Variants in PIEZO2 observed in about 807,000 individuals in gnomAD.
PIEZO2 encodes piezo-type mechanosensitive ion channel component 2.
A neutral mutation model predicts 337.3 loss-of-function variants in PIEZO2; 172 were observed. The ratio of observed to expected loss-of-function variants is 0.51; its 90% CI spans 0.45 to 0.58. The LOEUF (loss-of-function observed/expected upper bound fraction) is 0.58, where lower values mean the gene tolerates loss of function less well. PIEZO2 is among the 20% of genes least tolerant of loss of function. The pLI, the probability that PIEZO2 is intolerant of heterozygous loss-of-function variation, is 0.00. For missense variants in PIEZO2, 3,028 were observed against 3,391.3 expected, an observed-to-expected ratio of 0.89 and a Z score of 2.66; for synonymous variants, 1,251 against 1,228.5, an observed-to-expected ratio of 1.02 and a Z score of -0.38.
At chr18:10,696,739 A>G (rs2035107501) in intron 45 of PIEZO2, among the ~76,000 whole-genome samples, 200 bp from the exon 46 acceptor site, 1 of 152,186 alleles carries the variant, frequency 6.6e-6, no homozygotes, top group Admixed American at 6.5e-5. Context: ...TACTGCCAAG[A>G]TAGGTACTGC....
chr18:11,090,912 T>TAAA (rs61020782), intron 1 of PIEZO2, among the ~76,000 whole-genome samples: 1 of 123,690 alleles, frequency 8.1e-6, no homozygotes, highest in African/African-American at 3.0e-5. Flanking sequence ...AGACTCCGTC[T>TAAA]AAAAAAAAAA....
chr18:10,827,832 C>T (rs995353828), intron 7 of PIEZO2, among the ~76,000 whole-genome samples: 2 of 152,182 alleles, frequency 1.3e-5, no homozygotes, highest in Non-Finnish European at 2.9e-5. Flanking sequence ...AGAGAACTAG[C>T]TCATGTTAAG....
intron 2 of PIEZO2, among the ~76,000 whole-genome samples, chr18:11,026,437 G>T (rs964407553): frequency 1.3e-5 from 2 of 152,012 alleles, no homozygotes; most frequent in African/African-American, 4.8e-5. Flanking sequence ...CCCCGTTCCC[G>T]GAGTGGCTCC....
chr18:10,811,856 C>T lies in PIEZO2; in HGVS notation c.918-4582G>A, dbSNP rs534415510. 2.3e-4 allele frequency among the ~76,000 whole-genome samples: 35 copies of T among 152,206 alleles called. 1 individual carries two copies. In the South Asian group the frequency reaches 6.6e-3, roughly 29 times the overall value. On this transcript the variant is annotated intron_variant, in intron 7 of 55. Transcript: ENST00000674853. ...TTTTTTCTTTTTTGTTTTTTTGAGA[C>T]GGAGTCTCGCTCTGTCGCCCAGGCT... is the stretch of plus-strand genomic sequence containing the variant.
chr18:10,698,910 T>G lies in PIEZO2; in HGVS notation c.6694+15A>C, dbSNP rs1183121866. 6.5e-7 allele frequency: 1 copy of G among 1,535,804 alleles called. No individual in the cohort carries two copies. The highest frequency in any genetic ancestry group is 1.4e-5 in the African/African-American group (1 of 73,010). On this transcript the variant is annotated intron_variant, in intron 44 of 55. Transcript: ENST00000674853. ...GGAGCTAACTACAGCCTAGATATAT[T>G]GTGTCGACAGATACCTCTTTGGGAT...
chr18:10,904,691 T>A (rs561325847), intron 4 of PIEZO2, among the ~76,000 whole-genome samples: 6 of 152,220 alleles, frequency 3.9e-5, no homozygotes, highest in Non-Finnish European at 8.8e-5. Context: ...TTAGCCTGGA[T>A]CCCAGGATGG....
At chr18:10,924,912 A>G (rs1226712365) in intron 3 of PIEZO2, among the ~76,000 whole-genome samples, 2 of 152,238 alleles carry the variant, frequency 1.3e-5, no homozygotes, top group African/African-American at 4.8e-5. Flanking sequence ...TTAAATAAAG[A>G]AATGCCATAG....
Position 11,096,461 on chromosome 18 carries a change from G to T in PIEZO2, c.65-30239C>A, listed in dbSNP as rs1018941514. Among the ~76,000 whole-genome samples the T allele has an allele frequency of 6.6e-6, 1 of 152,250 alleles. No individual in the cohort carries two copies. Among genetic ancestry groups the T allele is most frequent in the Admixed American group, 6.5e-5 (1 of 15,296 alleles). On this transcript the variant is annotated intron_variant, in intron 1 of 55. Coordinates refer to ENST00000674853, the MANE Select transcript of PIEZO2 (RefSeq NM_001378183.1). This position sits in a 1 kb window ranked among gnomAD's most constrained non-coding sequence, Gnocchi z 4.6. ...CTGGTTCTGCCTCCTAAGAGCTCTCGGACAAATGCCTCCCTGTTTCTGGGT... is the reference window on the plus strand; with the variant it reads ...CTGGTTCTGCCTCCTAAGAGCTCTCTGACAAATGCCTCCCTGTTTCTGGGT...
chr18:10,880,846 CAT>C (rs56271617), intron 4 of PIEZO2, among the ~76,000 whole-genome samples: 534 of 67,264 alleles, frequency 7.9e-3, no homozygotes, highest in Non-Finnish European at 9.0e-3. Context: ...TCCCACATAT[CAT>C]ATATATATAT....
At chr18:10,710,870 C>G (rs1394242762) in intron 39 of PIEZO2, among the ~76,000 whole-genome samples, 3 of 152,226 alleles carry the variant, frequency 2.0e-5, no homozygotes, top group Non-Finnish European at 4.4e-5. Flanking sequence ...ATTAGAAATA[C>G]AGCTCACTGC....
chr18:11,075,786 CTTTTTT>C (rs147029235), intron 1 of PIEZO2, among the ~76,000 whole-genome samples: 4 of 125,236 alleles, frequency 3.2e-5, no homozygotes, highest in Admixed American at 8.0e-5. Context: ...AGATATATTT[CTTTTTT>C]TTTTTTTTTT....
rs1169506658 is a variant in PIEZO2 at position 11,127,815 on chromosome 18, G to GTGTT, written c.64+20709_64+20710insAACA. 2.0e-5 allele frequency among the ~76,000 whole-genome samples: 3 copies of GTGTT among 151,192 alleles called. No homozygotes were observed. The highest frequency in any genetic ancestry group is 4.4e-5 in the Non-Finnish European group (3 of 67,866). On this transcript the variant is annotated intron_variant, in intron 1 of 55. Coordinates refer to ENST00000674853, the MANE Select transcript of PIEZO2 (RefSeq NM_001378183.1). This position sits in a 1 kb window ranked among gnomAD's most constrained non-coding sequence, Gnocchi z 4.5. ...TGTGTGTGTGTGCATGTGTGTGTGT[G>GTGTT]TGTGTGTGTGTATCCTATTAGTTCT... is the stretch of plus-strand genomic sequence containing the variant.
intron 1 of PIEZO2, among the ~76,000 whole-genome samples, chr18:11,138,771 A>T (rs1050156001): frequency 2.6e-5 from 4 of 152,188 alleles, no homozygotes; most frequent in Non-Finnish European, 5.9e-5. Context: ...GTGGCGGGTG[A>T]GCACAGAAGG....
chr18:10,806,600 G>C (rs1242485191), intron 8 of PIEZO2, among the ~76,000 whole-genome samples: 1 of 151,994 alleles, frequency 6.6e-6, no homozygotes, highest in Non-Finnish European at 1.5e-5. Flanking sequence ...GGCTAAGAGC[G>C]CTGGAGGAGA....
chr18:11,082,308 TA>T (rs2038770781), intron 1 of PIEZO2, among the ~76,000 whole-genome samples: 1 of 146,754 alleles, frequency 6.8e-6, no homozygotes, highest in Middle Eastern at 3.5e-3. Context: ...CATAGATACA[TA>T]TTTTTTTCTT....
chr18:10,673,478 A>G lies in PIEZO2; in HGVS notation c.8162-605T>C, dbSNP rs2033865921. 6.6e-6 allele frequency among the ~76,000 whole-genome samples: 1 copy of G among 152,112 alleles called. No homozygotes were observed. Among genetic ancestry groups the G allele is most frequent in the African/African-American group, 2.4e-5 (1 of 41,412 alleles). ...CACAGAGGAGATAACTTCTGAGCTG[A>G]GATTCGCCAAGTGAGAACTTCAATA... On this transcript the variant is annotated intron_variant, in intron 54 of 55. Coordinates refer to ENST00000674853, the MANE Select transcript of PIEZO2 (RefSeq NM_001378183.1). The surrounding 1 kb of genome is among the most constrained non-coding windows in gnomAD (Gnocchi z 4.8).
intron 2 of PIEZO2, among the ~76,000 whole-genome samples, chr18:11,058,071 C>T (rs996344989): frequency 1.3e-5 from 2 of 152,122 alleles, no homozygotes; most frequent in Non-Finnish European, 2.9e-5. Context: ...AAGACTGCCC[C>T]GGTCTACAGA....
intron 2 of PIEZO2, among the ~76,000 whole-genome samples, chr18:11,062,244 A>T (rs1263887256): frequency 2.0e-5 from 3 of 152,060 alleles, no homozygotes; most frequent in African/African-American, 7.2e-5. Flanking sequence ...CTTACACCTT[A>T]TACAAAAATT....
intron 36 of PIEZO2, among the ~76,000 whole-genome samples, chr18:10,725,830 G>T (rs756283504): frequency 3.9e-5 from 6 of 152,200 alleles, no homozygotes; most frequent in Non-Finnish European, 7.3e-5. Flanking sequence ...TGGATGGAAG[G>T]CCAGATCCTG....
Sources: allele counts gnomAD v4.1 joint callset (sites outside exome capture counted in the v4.1 genomes callset), GRCh38; gene constraint gnomAD v4.1.1; non-coding constraint Gnocchi (gnomAD v3.1); transcripts MANE v1.5; gene names NCBI Gene and HGNC (gene_info 2026-07-23, HGNC 2026-07-21).